IARS2: variants seen among roughly 807,000 people sequenced by gnomAD.
The protein encoded by IARS2 is isoleucyl-tRNA synthetase 2, mitochondrial, also known as isoleucine--tRNA ligase, mitochondrial.
A neutral mutation model predicts 126.3 loss-of-function variants in IARS2; 56 were observed. The observed-to-expected ratio is 0.44, with a 90% CI of 0.36 to 0.55. The LOEUF is 0.55. IARS2 is among the 20% of genes least tolerant of loss of function. The pLI, the probability that IARS2 is intolerant of heterozygous loss-of-function variation, is 0.00. For missense variants in IARS2, 1,127 were observed against 1,245.9 expected, an observed-to-expected ratio of 0.90 and a Z score of 1.44; for synonymous variants, 407 against 441.1, an observed-to-expected ratio of 0.92 and a Z score of 0.97.
chr1:220,145,748 T>G lies in IARS2; in HGVS notation c.2896+95T>G, dbSNP rs1571866810. On this transcript the variant is annotated intron_variant, in intron 22 of 22. Coordinates refer to ENST00000366922, the MANE Select transcript of IARS2 (RefSeq NM_018060.4). ...CAGTGGACTGGGTTTATTCTAAAGG[T>G]AGATATATACTTGGAATACATCTTT... 9.0e-6 allele frequency: 9 copies of G among 996,910 alleles called. No homozygotes were observed. The East Asian group carries it at 2.5e-4, about 27-fold the overall frequency. The allele number at this position is 996,910 out of a possible 1,614,324, so 61.8% of individuals were successfully genotyped here.
Position 220,105,945 on chromosome 1 carries a change from C to T in IARS2, c.1121C>T (p.Ser374Phe). ...CSHPLIPDKA[S>F]PLLPANHVTM... ...CATCCATTAATTCCTGATAAAGCCT[C>T]TCCTCTTTTACCTGCAAATCATGTG... The change falls in exon 9 of 23, where the codon TCT (serine) becomes TTT (phenylalanine). Residue 374 changes from serine to phenylalanine, a missense_variant. Physicochemically the swap from Ser to Phe is radical, Grantham distance 155. Transcript: ENST00000366922. The T allele has an allele frequency of 6.2e-7, 1 of 1,614,098 alleles. No individual in the cohort carries two copies. The highest frequency in any genetic ancestry group is 1.1e-5 in the South Asian group (1 of 91,082).
At chr1:220,134,327 A>G (rs1249657731) in intron 14 of IARS2, 75 bp from the exon 15 acceptor site, 4 of 1,004,282 alleles carry the variant, frequency 4.0e-6, no homozygotes, top group Non-Finnish European at 5.8e-6. Context: ...AATTGTTATT[A>G]ATAAGTATCT....
Position 220,139,017 on chromosome 1 carries a change from A to G in IARS2, c.2185A>G (p.Thr729Ala). 6.2e-7 allele frequency: 1 copy of G among 1,613,294 alleles called. No individual in the cohort carries two copies. Among genetic ancestry groups the G allele is most frequent in the Non-Finnish European group, 8.5e-7 (1 of 1,179,694 alleles). ...TTCTTCCTATGAATAGCTTAGGAAT[A>G]CACTTCGCTTTCTTTTGGGAAATGT... ...ARDDISKLRN[T>A]LRFLLGNVAD... Residue 729 changes from threonine to alanine, a missense_variant, in exon 18 of 23, where the codon ACA (threonine) becomes GCA (alanine). Thr to Ala is a moderately conservative substitution (Grantham distance 58). Coordinates refer to ENST00000366922, the MANE Select transcript of IARS2 (RefSeq NM_018060.4).
chr1:220,108,466 A>G (rs1248356609), intron 10 of IARS2, among the ~76,000 whole-genome samples: 1 of 151,534 alleles, frequency 6.6e-6, no homozygotes, highest in Non-Finnish European at 1.5e-5. Context: ...GGCTCACTGC[A>G]AGCTCTGCCT....
At chr1:220,140,355 C>G in intron 19 of IARS2, 66 bp downstream of exon 19, 1 of 1,005,144 alleles carries the variant, frequency 9.9e-7, no homozygotes, top group Middle Eastern at 2.4e-4. Context: ...CCTGTAATCC[C>G]AGCACTTTGG....
At chr1:220,140,956 C>T (rs1362537516) in intron 19 of IARS2, among the ~76,000 whole-genome samples, 1 of 149,350 alleles carries the variant, frequency 6.7e-6, no homozygotes, top group African/African-American at 2.5e-5. Flanking sequence ...TGCACTTCAG[C>T]CTGGGCGACA....
rs1368626286 is a variant in IARS2, at chr1:220,135,197, T to C, written c.1946+687T>C. ...GTAATATCCACAGTGGCTAGTGAAC[T>C]GAAACATTGCTTTCATGAATTTTAT... On this transcript the variant is annotated intron_variant, in intron 15 of 22. Transcript: ENST00000366922. 5.3e-5 allele frequency among the ~76,000 whole-genome samples: 8 copies of C among 152,356 alleles called. No individual in the cohort carries two copies. In the East Asian group the frequency reaches 1.5e-3, roughly 29 times the overall value.
intron 12 of IARS2, among the ~76,000 whole-genome samples, chr1:220,124,321 T>C (rs1205158978): frequency 6.6e-6 from 1 of 152,260 alleles, no homozygotes; most frequent in Admixed American, 6.5e-5. Context: ...AGTTCTGTTA[T>C]TTATTTGATA....
At chr1:220,125,869 G>A (rs1057266486) in intron 13 of IARS2, among the ~76,000 whole-genome samples, 1 of 152,064 alleles carries the variant, frequency 6.6e-6, no homozygotes, top group African/African-American at 2.4e-5. Flanking sequence ...CACTTTGGGA[G>A]GCCGAGGCGG....
intron 13 of IARS2, among the ~76,000 whole-genome samples, chr1:220,125,908 C>T (rs1657144840): frequency 6.6e-6 from 1 of 151,472 alleles, no homozygotes; most frequent in Admixed American, 6.6e-5. Flanking sequence ...AGATCGAGAC[C>T]ATCCTGGCTA....
intron 15 of IARS2, among the ~76,000 whole-genome samples, chr1:220,136,208 T>C (rs1657371923): frequency 6.6e-6 from 1 of 152,176 alleles, no homozygotes; most frequent in Non-Finnish European, 1.5e-5. Context: ...CTCAGCTCAC[T>C]GCAATCTCCG....
At chr1:220,127,970 CAGTCAT>C (rs1411768124) in intron 14 of IARS2, among the ~76,000 whole-genome samples, 3 of 152,064 alleles carry the variant, frequency 2.0e-5, no homozygotes, top group Admixed American at 1.3e-4. Flanking sequence ...CCCTAAATTA[CAGTCAT>C]GTGTTATATA....
intron 22 of IARS2, among the ~76,000 whole-genome samples, chr1:220,146,832 C>T (rs1475160186): frequency 6.6e-6 from 1 of 152,044 alleles, no homozygotes; most frequent in Admixed American, 6.6e-5. Flanking sequence ...CCACCACACC[C>T]GGCCAATTTT....
intron 14 of IARS2, among the ~76,000 whole-genome samples, chr1:220,131,789 T>A (rs954559557): frequency 6.7e-6 from 1 of 149,454 alleles, no homozygotes; most frequent in African/African-American, 2.5e-5. Context: ...CCTGGCCACG[T>A]TGAATTTTTT....
chr1:220,108,217 ACTC>A (rs1218273608), intron 10 of IARS2, among the ~76,000 whole-genome samples: 2 of 149,322 alleles, frequency 1.3e-5, no homozygotes, highest in African/African-American at 5.0e-5. Context: ...ACACACCACT[ACTC>A]CTGGCTAATT....
intron 2 of IARS2, among the ~76,000 whole-genome samples, chr1:220,098,142 C>T (rs955002170): frequency 1.3e-5 from 2 of 152,156 alleles, no homozygotes; most frequent in African/African-American, 4.8e-5. Flanking sequence ...CCGCCTCGGC[C>T]TCCCAAAGTG....
At chr1:220,125,431 T>G in intron 13 of IARS2, 92 bp downstream of exon 13, 1 of 757,360 alleles carries the variant, frequency 1.3e-6, no homozygotes, top group East Asian at 2.7e-5. Context: ...AATTATCTTA[T>G]GTAAAGTTAA....
intron 15 of IARS2, among the ~76,000 whole-genome samples, chr1:220,136,031 C>A (rs1480821526): frequency 3.3e-5 from 5 of 152,092 alleles, no homozygotes; most frequent in African/African-American, 1.2e-4. Flanking sequence ...CAGTACATAG[C>A]AGAAGCTCAG....
At chr1:220,141,048 G>A (rs950269578) in intron 19 of IARS2, among the ~76,000 whole-genome samples, 2 of 151,216 alleles carry the variant, frequency 1.3e-5, no homozygotes, top group African/African-American at 4.9e-5. Flanking sequence ...TTGACCTCCC[G>A]CTTACTAGCT....
Sources: allele counts gnomAD v4.1 joint callset (sites outside exome capture counted in the v4.1 genomes callset), GRCh38; gene constraint gnomAD v4.1.1; transcripts MANE v1.5; gene names NCBI Gene and HGNC (gene_info 2026-07-23, HGNC 2026-07-21).